The following CSF3R variants were observed in gnomAD, a reference collection of about 807,000 sequenced individuals.
The protein encoded by CSF3R is colony stimulating factor 3 receptor.
CSF3R carries 52 observed loss-of-function variants against 84.4 expected under a neutral mutation model. That is an observed-to-expected ratio of 0.62 (90% CI 0.49 to 0.78). CSF3R has a LOEUF of 0.78. Among genes scored for constraint, CSF3R ranks in the 30% least tolerant of loss-of-function variants. CSF3R has a pLI of 0.00. For synonymous variants in CSF3R, 384 were observed against 429.1 expected, an observed-to-expected ratio of 0.89 and a Z score of 1.30; for missense variants, 890 against 1,055.7, an observed-to-expected ratio of 0.84 and a Z score of 2.17.
intron 1 of CSF3R, among the ~76,000 whole-genome samples, chr1:36,482,305 C>CGG (rs11295216): frequency 0.013 from 1,630 of 122,582 alleles, 45 homozygotes; most frequent in African/African-American, 0.049. Context: ...AGAGAGTGGG[C>CGG]GGGGGGGGGG....
At chr1:36,475,947 C>A in intron 3 of CSF3R, 1 of 398,834 alleles carries the variant, frequency 2.5e-6, no homozygotes, top group South Asian at 4.4e-5. Flanking sequence ...TGTAAGTGCT[C>A]TCACTGTAGC....
chr1:36,467,897 G>GATACAGACTGGCGGGCTCC lies in CSF3R; in HGVS notation c.1770_1788dup (p.His597GlyfsTer113). The stretch of plus-strand genomic sequence containing the variant: ...TGGCTGGCAGCCATGAGGTGGATGT[G>GATACAGACTGGCGGGCTCC]ATACAGACTGGCGGGCTCCAGGCCA... On this transcript the variant is annotated frameshift_variant, in exon 14 of 17. Transcript: ENST00000373106. LOFTEE classifies it high-confidence loss of function. The surrounding 1 kb of genome is among the most constrained non-coding windows in gnomAD (Gnocchi z 4.1). 1 of 1,614,244 alleles carries GATACAGACTGGCGGGCTCC rather than the reference G, an allele frequency of 6.2e-7. No homozygotes were observed. Among genetic ancestry groups the GATACAGACTGGCGGGCTCC allele is most frequent in the Non-Finnish European group, 8.5e-7 (1 of 1,180,046 alleles).
intron 4 of CSF3R, among the ~76,000 whole-genome samples, chr1:36,474,614 C>G (rs1651006052): frequency 6.6e-6 from 1 of 151,856 alleles, no homozygotes; most frequent in Non-Finnish European, 1.5e-5. Context: ...TGCACCTGGC[C>G]CATTACTGAT....
In CSF3R at chr1:36,469,375, C is replaced by T. The variant is rs3917990; in HGVS notation, c.1475-118G>A. ...TGGCCTCATGATTCAGGGTTAACCT[C>T]CACAATATCTTCTTTAGATCATTTG... On this transcript the variant is annotated intron_variant, in intron 11 of 16. Transcript: ENST00000373106. 0.051 allele frequency: 42,261 copies of T among 836,402 alleles called. 1,352 individuals carry two copies. The highest frequency in any genetic ancestry group is 0.1 in the Middle Eastern group (443 of 4,330). The allele number at this position is 836,402 out of a possible 1,614,324, so 51.8% of individuals were successfully genotyped here.
intron 3 of CSF3R, among the ~76,000 whole-genome samples, chr1:36,478,757 G>A (rs1401007220): frequency 5.3e-5 from 8 of 151,764 alleles, no homozygotes; most frequent in Middle Eastern, 3.5e-3. Flanking sequence ...AGGCTGAGGC[G>A]GGAGGATCAC....
chr1:36,472,545 G>T lies in CSF3R; in HGVS notation c.815C>A (p.Pro272Gln), dbSNP rs367774391. The T allele has an allele frequency of 2.5e-6, 4 of 1,614,072 alleles. No homozygotes were observed. The East Asian group carries it at 8.9e-5, about 36-fold the overall frequency. Residue 272 changes from proline (P) to glutamine (Q), a missense_variant, in exon 7 of 17, where the codon CCG becomes CAG. Pro to Gln is a moderately conservative substitution (Grantham distance 76). Coordinates refer to ENST00000373106, the MANE Select transcript of CSF3R (RefSeq NM_000760.4). The surrounding 1 kb of genome is among the most constrained non-coding windows in gnomAD (Gnocchi z 5.0). ...TGCCCAGCTGGCTTCTCCACGCTGC[G>T]GCTTGTGGCGCAGCTCACACTTCTG... ...INQKCELRHK[P>Q]QRGEASWALV...
intron 3 of CSF3R, chr1:36,477,696 T>G (rs1264437905): frequency 6.6e-6 from 1 of 152,186 alleles, no homozygotes; most frequent in Non-Finnish European, 1.5e-5. Flanking sequence ...AGAAGCAGTT[T>G]GCCCAGGGTC....
At chr1:36,478,542 A>C (rs1341572147) in intron 3 of CSF3R, among the ~76,000 whole-genome samples, 1 of 151,270 alleles carries the variant, frequency 6.6e-6, no homozygotes, top group Non-Finnish European at 1.5e-5. Flanking sequence ...AAACAAAAAA[A>C]CAAAAACCAA....
chr1:36,479,352 T>G (rs1651375620), intron 3 of CSF3R, 81 bp downstream of exon 3: 1 of 1,336,394 alleles, frequency 7.5e-7, no homozygotes, highest in African/African-American at 1.4e-5. Flanking sequence ...CCAGGAGCCA[T>G]GTGGCAGTGC....
chr1:36,482,298 G>A (rs1400140334), intron 1 of CSF3R, among the ~76,000 whole-genome samples: 1 of 107,256 alleles, frequency 9.3e-6, no homozygotes, highest in Non-Finnish European at 2.1e-5. Flanking sequence ...CCGACCCAGA[G>A]AGTGGGCGGG....
intron 2 of CSF3R, among the ~76,000 whole-genome samples, chr1:36,480,322 C>T (rs755014827): frequency 6.6e-6 from 1 of 152,236 alleles, no homozygotes; most frequent in Non-Finnish European, 1.5e-5. Flanking sequence ...AGCTGGCTGC[C>T]TCAGCCATGT....
At chr1:36,482,314 G>T (rs997085893) in intron 1 of CSF3R, among the ~76,000 whole-genome samples, 1 of 151,502 alleles carries the variant, frequency 6.6e-6, no homozygotes, top group Non-Finnish European at 1.5e-5. Flanking sequence ...GCGGGGGGGG[G>T]GCACTCGGAG....
intron 3 of CSF3R, 98 bp from the exon 4 acceptor site, chr1:36,475,771 T>C: frequency 8.2e-7 from 1 of 1,223,498 alleles, no homozygotes; most frequent in Non-Finnish European, 1.1e-6. Flanking sequence ...GGCCTCACCT[T>C]CCTGTCTCAC....
At chr1:36,480,657 G>A (rs1413660616) in intron 2 of CSF3R, among the ~76,000 whole-genome samples, 1 of 152,230 alleles carries the variant, frequency 6.6e-6, no homozygotes, top group Non-Finnish European at 1.5e-5. Flanking sequence ...CACGCAGGTG[G>A]TGTCCCAGCA....
chr1:36,480,388 G>A (rs151193656), intron 2 of CSF3R, among the ~76,000 whole-genome samples: 63 of 152,356 alleles, frequency 4.1e-4, no homozygotes, highest in African/African-American at 1.5e-3. Context: ...CCCCAATTTT[G>A]GGCACAGACC....
In CSF3R at chr1:36,472,436, A is replaced by C. The variant is rs116121771; in HGVS notation, c.844-45T>G. On this transcript the variant is annotated intron_variant, in intron 7 of 16. Coordinates refer to ENST00000373106, the MANE Select transcript of CSF3R (RefSeq NM_000760.4). This position sits in a 1 kb window ranked among gnomAD's most constrained non-coding sequence, Gnocchi z 5.0. ...ACTCTGAGCCTTGGATCGCTGGGCCATTCTAGGGCCAGCTCGAGCCCGACT... is the reference window on the plus strand; with the variant it reads ...ACTCTGAGCCTTGGATCGCTGGGCCCTTCTAGGGCCAGCTCGAGCCCGACT... The C allele has an allele frequency of 1.3e-3, 2,028 of 1,613,808 alleles. 27 individuals carry two copies. The African/African-American group carries it at 0.024, about 19-fold the overall frequency.
intron 12 of CSF3R, 98 bp from the exon 13 acceptor site, chr1:36,468,319 GAA>G (rs888101417): frequency 7.6e-7 from 1 of 1,316,846 alleles, no homozygotes; most frequent in African/African-American, 1.5e-5. Context: ...GGGTGGGTGA[GAA>G]AAGAGTCCAA....
intron 4 of CSF3R, 131 bp downstream of exon 4, chr1:36,475,246 A>T: frequency 9.0e-7 from 1 of 1,107,356 alleles, no homozygotes; most frequent in South Asian, 1.3e-5. Flanking sequence ...ACCTCAGGTG[A>T]TCCGCCTGCC....
intron 12 of CSF3R, chr1:36,468,888 C>T: frequency 2.1e-6 from 1 of 471,818 alleles, no homozygotes; most frequent in South Asian, 2.1e-5. Flanking sequence ...TTACATATAA[C>T]ACCTTATTTT....
Sources: allele counts gnomAD v4.1 joint callset (sites outside exome capture counted in the v4.1 genomes callset), GRCh38; gene constraint gnomAD v4.1.1; non-coding constraint Gnocchi (gnomAD v3.1); transcripts MANE v1.5; gene names NCBI Gene and HGNC (gene_info 2026-07-23, HGNC 2026-07-21).